Variants in YPEL2 observed in about 807,000 individuals in gnomAD.
YPEL2 encodes yippee like 2.
A neutral mutation model predicts 19.1 loss-of-function variants in YPEL2; 2 were observed. The observed-to-expected ratio is 0.10, with a 90% CI of 0.04 to 0.33. The LOEUF (loss-of-function observed/expected upper bound fraction) is 0.33, where lower values mean the gene tolerates loss of function less well. Among genes scored for constraint, YPEL2 ranks in the 10% least tolerant of loss-of-function variants. The pLI is 1.00. For synonymous variants in YPEL2, 52 were observed against 50.0 expected, an observed-to-expected ratio of 1.04 and a Z score of -0.17; for missense variants, 66 against 140.7, an observed-to-expected ratio of 0.47 and a Z score of 2.68.
At chr17:59,362,330 A>G (rs2147944110) in intron 2 of YPEL2, among the ~76,000 whole-genome samples, 1 of 151,930 alleles carries the variant, frequency 6.6e-6, no homozygotes, top group Admixed American at 6.5e-5. Context: ...GGGTTCAGGA[A>G]GTCACATGCT....
chr17:59,373,767 CAGG>C (rs1187226276), intron 2 of YPEL2, among the ~76,000 whole-genome samples: 2 of 152,130 alleles, frequency 1.3e-5, no homozygotes, highest in African/African-American at 4.8e-5. Flanking sequence ...CTGTTTTGCT[CAGG>C]AGATGATTTT....
intron 1 of YPEL2, among the ~76,000 whole-genome samples, chr17:59,351,102 C>T (rs1309881697): frequency 1.3e-5 from 2 of 152,110 alleles, no homozygotes; most frequent in Non-Finnish European, 2.9e-5. Flanking sequence ...GGGCCAGGTG[C>T]GGTGGTTCAC....
chr17:59,348,251 G>A (rs1175754088), intron 1 of YPEL2, among the ~76,000 whole-genome samples: 3 of 152,264 alleles, frequency 2.0e-5, no homozygotes, highest in African/African-American at 7.2e-5. Context: ...CTTGGGGCCA[G>A]CCTTGTCTCA....
chr17:59,342,522 G>A (rs545761317), intron 1 of YPEL2, among the ~76,000 whole-genome samples: 1 of 152,186 alleles, frequency 6.6e-6, no homozygotes, highest in African/African-American at 2.4e-5. Context: ...GTAAATGGCT[G>A]TTTTTCATTA....
intron 2 of YPEL2, among the ~76,000 whole-genome samples, chr17:59,367,945 C>T (rs1433672806): frequency 6.6e-6 from 1 of 152,184 alleles, no homozygotes; most frequent in Non-Finnish European, 1.5e-5. Flanking sequence ...GCCACCTCTG[C>T]TCCAGACCTG....
chr17:59,339,631 G>A (rs1376811529), intron 1 of YPEL2, among the ~76,000 whole-genome samples: 6 of 152,162 alleles, frequency 3.9e-5, no homozygotes, highest in Non-Finnish European at 7.4e-5. Context: ...GGAATTCAGG[G>A]ACTGAGAATA....
intron 4 of YPEL2, 35 bp from the exon 5 acceptor site, chr17:59,397,066 G>C (rs112235052): frequency 2.0e-6 from 3 of 1,521,674 alleles, no homozygotes; most frequent in East Asian, 4.6e-5. Context: ...GTCTTTGGTC[G>C]TTCAGTATCT....
intron 2 of YPEL2, chr17:59,355,351 A>G (rs1452189733): frequency 6.6e-6 from 1 of 152,240 alleles, no homozygotes; most frequent in African/African-American, 2.4e-5. Flanking sequence ...TAAGATGGGC[A>G]GAAGTTGAGT....
At chr17:59,359,346 T>C (rs1337226078) in intron 2 of YPEL2, among the ~76,000 whole-genome samples, 1 of 152,094 alleles carries the variant, frequency 6.6e-6, no homozygotes, top group African/African-American at 2.4e-5. Context: ...CCTTCATTTC[T>C]TTTTTTTCTC....
At chr17:59,334,393 G>GGT (rs1555568455) in intron 1 of YPEL2, among the ~76,000 whole-genome samples, 2 of 149,002 alleles carry the variant, frequency 1.3e-5, no homozygotes, top group South Asian at 2.2e-4. Flanking sequence ...TTTTATTTGG[G>GGT]GGGGGGTGAG....
rs117956317 is a variant in YPEL2 at position 59,358,665 on chromosome 17, A to G, written c.117+5139A>G. Reference sequence around the variant, plus strand: ...ATTCTTGTTGTCCAGGCTGGAGTACAGTGGCACAATCTTGACTTACCGCAA... The same window carrying G: ...ATTCTTGTTGTCCAGGCTGGAGTACGGTGGCACAATCTTGACTTACCGCAA... On this transcript the variant is annotated intron_variant, in intron 2 of 4. Transcript: ENST00000312655. Among the ~76,000 whole-genome samples the G allele has an allele frequency of 6.8e-4, 104 of 152,168 alleles. 2 individuals are homozygous for G. The East Asian group carries it at 0.019, about 28-fold the overall frequency.
chr17:59,381,851 G>A (rs908696585), intron 2 of YPEL2, among the ~76,000 whole-genome samples: 3 of 152,190 alleles, frequency 2.0e-5, no homozygotes, highest in African/African-American at 7.2e-5. Context: ...AAATGTGTCT[G>A]ACAGTCTGTT....
chr17:59,363,236 A>T (rs1598038059), intron 2 of YPEL2: 1 of 150,500 alleles, frequency 6.6e-6, no homozygotes, highest in Non-Finnish European at 1.5e-5. Flanking sequence ...CAGACTTCCC[A>T]CCTCAGCATC....
At chr17:59,376,962 A>C (rs1217089793) in intron 2 of YPEL2, among the ~76,000 whole-genome samples, 13 of 150,530 alleles carry the variant, frequency 8.6e-5, no homozygotes, top group Middle Eastern at 3.4e-3. Flanking sequence ...AAAAAAAAAA[A>C]AAAAAAAAAA....
At chr17:59,356,365 G>A (rs2047812978) in intron 2 of YPEL2, 1 of 150,896 alleles carries the variant, frequency 6.6e-6, no homozygotes, top group African/African-American at 2.5e-5. Context: ...GTCTGAGTGT[G>A]ACCAGCAGTG....
At chr17:59,350,634 C>A (rs2147939033) in intron 1 of YPEL2, among the ~76,000 whole-genome samples, 1 of 152,270 alleles carries the variant, frequency 6.6e-6, no homozygotes, top group Non-Finnish European at 1.5e-5. Flanking sequence ...ACAAGAAATG[C>A]TTATTTCACA....
chr17:59,335,332 T>C (rs1165868177), intron 1 of YPEL2, among the ~76,000 whole-genome samples: 1 of 152,142 alleles, frequency 6.6e-6, no homozygotes, highest in Non-Finnish European at 1.5e-5. Context: ...TGGCTTCCCA[T>C]TGCCCTTCAG....
chr17:59,397,666 CTT>C lies in YPEL2; in HGVS notation c.*477_*478del, dbSNP rs1443038657. ...GCTCCTGGAGACCTGATAACTTAGG[CTT>C]GAAATAATTGACTTGTCTAAAAGGA... On this transcript the variant is annotated 3_prime_UTR_variant, in exon 5 of 5. Coordinates refer to ENST00000312655, the MANE Select transcript of YPEL2 (RefSeq NM_001005404.4). 2 of 152,986 alleles carry C rather than the reference CTT, an allele frequency of 1.3e-5. No homozygotes were observed. Among genetic ancestry groups the C allele is most frequent in the Non-Finnish European group, 2.9e-5 (2 of 68,650 alleles). The allele number at this position is 152,986 out of a possible 1,614,324, so 9.5% of individuals were successfully genotyped here.
rs537786032 is a variant in YPEL2 at position 59,349,367 on chromosome 17, T to C, written c.-195-3848T>C. Reference sequence around the variant, plus strand: ...CACAGGCCTTTTTTTTCTTTTTTTTTTTTTTTTTTTTGTTGAGACGGAGTC... The same window carrying C: ...CACAGGCCTTTTTTTTCTTTTTTTTCTTTTTTTTTTTGTTGAGACGGAGTC... On this transcript the variant is annotated intron_variant, in intron 1 of 4. Coordinates refer to ENST00000312655, the MANE Select transcript of YPEL2 (RefSeq NM_001005404.4). Among the ~76,000 whole-genome samples the C allele has an allele frequency of 1.4e-3, 207 of 145,666 alleles. 2 individuals are homozygous for C. Among genetic ancestry groups the C allele is most frequent in the Admixed American group, 0.013 (192 of 14,740 alleles).
Sources: allele counts gnomAD v4.1 joint callset (sites outside exome capture counted in the v4.1 genomes callset), GRCh38; gene constraint gnomAD v4.1.1; transcripts MANE v1.5; gene names NCBI Gene and HGNC (gene_info 2026-07-23, HGNC 2026-07-21).